THEMIS: variants seen among roughly 807,000 people sequenced by gnomAD.
THEMIS encodes protein THEMIS.
In THEMIS, 37 loss-of-function variants were observed where a neutral mutation model predicts 52.6. The observed-to-expected ratio is 0.70, with a 90% CI of 0.54 to 0.93. The LOEUF is 0.93. Among genes scored for constraint, THEMIS ranks in the 40% least tolerant of loss-of-function variants. The pLI, the probability that THEMIS is intolerant of heterozygous loss-of-function variation, is 0.00. For synonymous variants in THEMIS, 292 were observed against 272.7 expected (o/e 1.07, Z -0.70); for missense variants, 808 against 763.1 (o/e 1.06, Z -0.69).
At chr6:127,765,953 A>G (rs778059601) in intron 4 of THEMIS, among the ~76,000 whole-genome samples, 13 of 152,128 alleles carry the variant, frequency 8.5e-5, no homozygotes, top group Non-Finnish European at 1.6e-4. Flanking sequence ...ATTCCTTGGA[A>G]AAAATGTTCA....
chr6:127,894,842 A>C (rs779728577), intron 1 of THEMIS, among the ~76,000 whole-genome samples: 14 of 151,444 alleles, frequency 9.2e-5, no homozygotes, highest in Non-Finnish European at 1.9e-4. Context: ...TCGGAAGCTA[A>C]TGTTATCTTA....
At chr6:127,704,806 G>A (rs1238512681), downstream of THEMIS, among the ~76,000 whole-genome samples, 2 of 152,158 alleles carry the variant, frequency 1.3e-5, no homozygotes, top group African/African-American at 4.8e-5. Context: ...TGTTGTACCT[G>A]CACTTTTTAT....
chr6:127,707,931 G>A (rs1403920772), downstream of THEMIS: 1 of 152,020 alleles, frequency 6.6e-6, no homozygotes, highest in Non-Finnish European at 1.5e-5. Context: ...TTAGGAAGAG[G>A]CCAATATTAA....
At chr6:127,834,559 G>A (rs1778812224) in intron 2 of THEMIS, among the ~76,000 whole-genome samples, 1 of 151,946 alleles carries the variant, frequency 6.6e-6, no homozygotes, top group African/African-American at 2.4e-5. Context: ...ACTCCAGCCT[G>A]GGCAACAGAG....
In THEMIS at chr6:127,854,507, C is replaced by T. The variant is rs926125759; in HGVS notation, c.250+523G>A. Among the ~76,000 whole-genome samples, 18 of 151,688 alleles carry T rather than the reference C, an allele frequency of 1.2e-4. 1 individual carries two copies. Among genetic ancestry groups the T allele is most frequent in the Non-Finnish European group, 5.9e-5 (4 of 67,818 alleles). The stretch of plus-strand genomic sequence containing the variant: ...AGAAATCTAGATTAGGTTAGAGGGT[C>T]AGCAAAAGTCTTCTAGATGGCATGA... On this transcript the variant is annotated intron_variant, in intron 2 of 5. Transcript: ENST00000368248.
chr6:127,744,274 C>T (rs1775307679), intron 4 of THEMIS, among the ~76,000 whole-genome samples: 1 of 152,012 alleles, frequency 6.6e-6, no homozygotes, highest in Non-Finnish European at 1.5e-5. Context: ...TCCTCAGCCT[C>T]TCTTAATATC....
intron 2 of THEMIS, among the ~76,000 whole-genome samples, chr6:127,831,096 C>T (rs1023663582): frequency 6.6e-6 from 1 of 152,138 alleles, no homozygotes; most frequent in Non-Finnish European, 1.5e-5. Flanking sequence ...CATTTTCTCT[C>T]ATTACTTCTC....
chr6:127,781,827 G>A lies in THEMIS; in HGVS notation c.1758+31056C>T, dbSNP rs13196259. ...TGGAGCTCTCCTGTATGAGGTGTCT[G>A]TCGACCCCTCCCAGGAGGTGTCTCC... On this transcript the variant is annotated intron_variant, in intron 4 of 5. Coordinates refer to ENST00000368248, the MANE Select transcript of THEMIS (RefSeq NM_001010923.3). 5.8e-3 allele frequency among the ~76,000 whole-genome samples: 879 copies of A among 152,244 alleles called. 6 individuals are homozygous for A. Among genetic ancestry groups the A allele is most frequent in the Non-Finnish European group, 8.9e-3 (602 of 68,008 alleles).
chr6:127,789,566 C>G (rs1777091030), intron 4 of THEMIS, among the ~76,000 whole-genome samples: 1 of 151,964 alleles, frequency 6.6e-6, no homozygotes, highest in South Asian at 2.1e-4. Flanking sequence ...GGCAGAAAAA[C>G]AACAAAAAAA....
the THEMIS span, among the ~76,000 whole-genome samples, chr6:127,701,578 T>G: frequency 6.6e-6 from 1 of 152,120 alleles, no homozygotes. Context: ...TTCTGGGTCA[T>G]AGGGTAGGTG....
At chr6:127,866,787 C>A (rs1042478300) in intron 1 of THEMIS, among the ~76,000 whole-genome samples, 2 of 151,488 alleles carry the variant, frequency 1.3e-5, no homozygotes, top group Non-Finnish European at 2.9e-5. Context: ...AAGAAATAAC[C>A]AATAAAAGCC....
intron 1 of THEMIS, among the ~76,000 whole-genome samples, chr6:127,895,086 C>G (rs1421646179): frequency 6.6e-6 from 1 of 150,744 alleles, no homozygotes; most frequent in Non-Finnish European, 1.5e-5. Context: ...CATAAACACA[C>G]TAAAGAAAGT....
chr6:127,862,801 A>C (rs1484424160), intron 1 of THEMIS, among the ~76,000 whole-genome samples: 1 of 152,038 alleles, frequency 6.6e-6, no homozygotes, highest in Non-Finnish European at 1.5e-5. Flanking sequence ...TGTGCAGTAT[A>C]TTCTACCATT....
At chr6:127,729,791 G>A (rs992366623) in intron 4 of THEMIS, among the ~76,000 whole-genome samples, 4 of 152,096 alleles carry the variant, frequency 2.6e-5, no homozygotes, top group Admixed American at 2.0e-4. Flanking sequence ...TTCGAGTAAT[G>A]AGTTTTCATG....
chr6:127,856,578 C>G (rs372979573), intron 1 of THEMIS, among the ~76,000 whole-genome samples: 2 of 151,916 alleles, frequency 1.3e-5, no homozygotes, highest in African/African-American at 4.8e-5. Flanking sequence ...CCAGCACACC[C>G]ACATTACTGT....
chr6:127,915,816 G>A (rs1164378266), intron 1 of THEMIS, among the ~76,000 whole-genome samples: 4 of 151,748 alleles, frequency 2.6e-5, no homozygotes, highest in South Asian at 2.1e-4. Flanking sequence ...ACGAAACCCC[G>A]TCTCTACTAA....
At chr6:127,897,314 G>A (rs746298040) in intron 1 of THEMIS, among the ~76,000 whole-genome samples, 44 of 151,362 alleles carry the variant, frequency 2.9e-4, no homozygotes, top group Non-Finnish European at 4.7e-4. Context: ...GAAAACTTTC[G>A]TCCATTAAAA....
intron 4 of THEMIS, among the ~76,000 whole-genome samples, chr6:127,806,759 C>CA (rs1777723559): frequency 6.6e-6 from 1 of 152,118 alleles, no homozygotes; most frequent in African/African-American, 2.4e-5. Flanking sequence ...ATGCCTAGAG[C>CA]AAAACTAAAA....
chr6:127,737,127 C>A (rs919945211), intron 4 of THEMIS, among the ~76,000 whole-genome samples: 2 of 152,166 alleles, frequency 1.3e-5, no homozygotes, highest in African/African-American at 4.8e-5. Context: ...AGATGGCAGT[C>A]TTCCCTGGCT....
Sources: gnomAD v4.1 joint callset for allele counts (sites outside exome capture counted in the v4.1 genomes callset) on GRCh38, gnomAD v4.1.1 for gene constraint, MANE v1.5 for transcripts, NCBI Gene and HGNC (gene_info 2026-07-23, HGNC 2026-07-21) for gene names.